The following SPATA1 variants were observed in gnomAD, a reference collection of about 807,000 sequenced individuals.
The protein encoded by SPATA1 is spermatogenesis-associated protein 1.
A neutral mutation model predicts 59.6 loss-of-function variants in SPATA1; 57 were observed. The observed-to-expected ratio is 0.96, with a 90% CI of 0.77 to 1.19. SPATA1 has a LOEUF of 1.19. SPATA1 is among the 50% of genes most tolerant of loss of function. The pLI is 0.00. For missense variants in SPATA1, 448 were observed against 480.7 expected (o/e 0.93, Z 0.64); for synonymous variants, 147 against 163.9 (o/e 0.90, Z 0.79).
intron 1 of SPATA1, among the ~76,000 whole-genome samples, chr1:84,511,542 C>G (rs1682546073): frequency 6.6e-6 from 1 of 151,218 alleles, no homozygotes. Flanking sequence ...CTGGAGTGCC[C>G]TCTTGTCAAC....
At chr1:84,536,057 G>C (rs796205442) in intron 8 of SPATA1, among the ~76,000 whole-genome samples, 3 of 152,330 alleles carry the variant, frequency 2.0e-5, no homozygotes, top group African/African-American at 7.2e-5. Context: ...GGTACAGAAA[G>C]TGTGACATGG....
intron 1 of SPATA1, among the ~76,000 whole-genome samples, chr1:84,512,831 T>G (rs898124223): frequency 1.3e-5 from 2 of 152,214 alleles, no homozygotes; most frequent in Non-Finnish European, 2.9e-5. Context: ...TACCAGTTGA[T>G]GGGAATTAGC....
At chr1:84,521,618 C>T (rs1216623168) in intron 3 of SPATA1, among the ~76,000 whole-genome samples, 1 of 151,862 alleles carries the variant, frequency 6.6e-6, no homozygotes, top group Non-Finnish European at 1.5e-5. Context: ...TCATACAGTC[C>T]CTTTCTCCCT....
chr1:84,549,329 A>C (rs1461391508), intron 11 of SPATA1, among the ~76,000 whole-genome samples: 1 of 152,086 alleles, frequency 6.6e-6, no homozygotes, highest in Non-Finnish European at 1.5e-5. Context: ...TATCCTAGGT[A>C]AGGGATCAAC....
At chr1:84,522,483 A>G (rs778658425) in exon 4 of SPATA1, 1 of 1,538,240 alleles carries the variant, frequency 6.5e-7, no homozygotes, top group Non-Finnish European at 8.8e-7. Context: ...TATTTCTGAA[A>G]TGCATTGGAA....
At chr1:84,524,807 A>G (rs574448416) in intron 4 of SPATA1, among the ~76,000 whole-genome samples, 1 of 152,258 alleles carries the variant, frequency 6.6e-6, no homozygotes, top group East Asian at 1.9e-4. Flanking sequence ...TTCTTTTCAT[A>G]AAACATGTAT....
chr1:84,537,860 T>C (rs1683761051), intron 8 of SPATA1, among the ~76,000 whole-genome samples: 1 of 152,238 alleles, frequency 6.6e-6, no homozygotes, highest in Admixed American at 6.5e-5. Flanking sequence ...ATTCTCCCTG[T>C]AGCCATTCCC....
At chr1:84,516,462 TA>T (rs1427575942) in intron 2 of SPATA1, 67 bp downstream of exon 2, 13 of 962,426 alleles carry the variant, frequency 1.4e-5, no homozygotes, top group Non-Finnish European at 7.6e-6. Context: ...AAAAGTTTTA[TA>T]AAAGCAAAAA....
At chr1:84,525,553 C>T (rs568572869) in intron 4 of SPATA1, 143 bp from the exon 5 acceptor site, 1 of 628,192 alleles carries the variant, frequency 1.6e-6, no homozygotes, top group South Asian at 2.3e-5. Context: ...TTATATTCTA[C>T]ATTTCTAGAA....
rs374199621 is a variant in SPATA1 at position 84,516,312 on chromosome 1, A to G, written c.-48A>G. ...TACTTAAATGAAGAAAGATAAAAAA[A>G]GAAACAAAATTCCAATTGATAATTA... On this transcript the variant is annotated 5_prime_UTR_variant, in exon 2 of 13. Coordinates refer to ENST00000490879, the Ensembl canonical transcript of SPATA1. The G allele has an allele frequency of 5.0e-5, 74 of 1,476,140 alleles. 2 individuals are homozygous for G. In the African/African-American group the frequency reaches 7.3e-4, roughly 15 times the overall value. The allele number at this position is 1,476,140 out of a possible 1,614,324, so 91.4% of individuals were successfully genotyped here.
At chr1:84,524,014 G>A (rs918170510) in intron 4 of SPATA1, among the ~76,000 whole-genome samples, 1 of 151,292 alleles carries the variant, frequency 6.6e-6, no homozygotes, top group Non-Finnish European at 1.5e-5. Flanking sequence ...AGAGTGCTCA[G>A]TGTAGTGATG....
At chr1:84,548,695 G>C in intron 10 of SPATA1, 91 bp from the exon 11 acceptor site, 5 of 1,323,220 alleles carry the variant, frequency 3.8e-6, no homozygotes, top group Non-Finnish European at 4.9e-6. Flanking sequence ...ATTAGCTCTA[G>C]GATCCTTTCC....
chr1:84,547,211 G>GGGC (rs1684118004), intron 10 of SPATA1, among the ~76,000 whole-genome samples: 1 of 152,204 alleles, frequency 6.6e-6, no homozygotes, highest in Non-Finnish European at 1.5e-5. Flanking sequence ...ACAATGGACT[G>GGGC]AAAATCACAG....
At chr1:84,516,499 T>C (rs1247224152) in intron 2 of SPATA1, 104 bp downstream of exon 2, 1 of 672,392 alleles carries the variant, frequency 1.5e-6, no homozygotes, top group Non-Finnish European at 2.5e-6. Context: ...GTATTAGATA[T>C]TGACTCCACC....
At chr1:84,540,946 C>A (rs1271141874) in intron 8 of SPATA1, among the ~76,000 whole-genome samples, 1 of 152,188 alleles carries the variant, frequency 6.6e-6, no homozygotes, top group Non-Finnish European at 1.5e-5. Flanking sequence ...TGTGCTAATT[C>A]CTGCTCTAGA....
chr1:84,545,680 G>C (rs1285390145), exon 10 of SPATA1: 1 of 1,533,742 alleles, frequency 6.5e-7, no homozygotes, highest in South Asian at 1.3e-5. Flanking sequence ...AAGAAAGAAG[G>C]TATCTGGAAA....
chr1:84,559,096 A>AT (rs1040237957), downstream of SPATA1, among the ~76,000 whole-genome samples: 8 of 152,088 alleles, frequency 5.3e-5, no homozygotes, highest in Non-Finnish European at 1.0e-4. Context: ...CAGACATTAA[A>AT]TTTTTTGCAA....
downstream of SPATA1, chr1:84,555,130 T>A (rs776668169): frequency 1.2e-5 from 19 of 1,613,930 alleles, no homozygotes; most frequent in Admixed American, 3.0e-4. Context: ...TAGTTTTGTA[T>A]ATATGTTGCC....
chr1:84,507,677 C>T (rs1682331747), intron 1 of SPATA1, among the ~76,000 whole-genome samples: 1 of 152,230 alleles, frequency 6.6e-6, no homozygotes, highest in Non-Finnish European at 1.5e-5. Context: ...TAAGATTAAA[C>T]ACAAGTATCT....
Sources: gnomAD v4.1 joint callset for allele counts (sites outside exome capture counted in the v4.1 genomes callset) on GRCh38, gnomAD v4.1.1 for gene constraint, MANE v1.5 for transcripts, NCBI Gene and HGNC (gene_info 2026-07-23, HGNC 2026-07-21) for gene names.